ARHGEF10: variants seen among roughly 807,000 people sequenced by gnomAD.
ARHGEF10 encodes Rho guanine nucleotide exchange factor (GEF) 10.
Under a neutral mutation model 147.4 loss-of-function variants are expected in ARHGEF10, and 140 were observed. The ratio of observed to expected loss-of-function variants is 0.95; its 90% CI spans 0.83 to 1.09. The LOEUF is 1.09. Ranked by LOEUF, ARHGEF10 falls within the 50% of genes least tolerant of loss-of-function variation. ARHGEF10 has a pLI of 0.00. For missense variants in ARHGEF10, 2,222 were observed against 1,752.7 expected (o/e 1.27, Z -4.78); for synonymous variants, 902 against 695.8 (o/e 1.30, Z -4.67).
At chr8:1,952,640 C>A in intron 27 of ARHGEF10, 65 bp from the exon 28 acceptor site, 1 of 1,602,374 alleles carries the variant, frequency 6.2e-7, no homozygotes, top group East Asian at 2.2e-5. Context: ...TCCAGCACCC[C>A]GTCACCGCCC....
chr8:1,888,034 G>T (rs576957306), intron 11 of ARHGEF10, among the ~76,000 whole-genome samples: 100 of 147,716 alleles, frequency 6.8e-4, no homozygotes, highest in African/African-American at 2.5e-3. Flanking sequence ...CACTGAGTAG[G>T]GTGAGGGTTG....
chr8:1,833,725 C>T (rs1332949923), intron 1 of ARHGEF10, among the ~76,000 whole-genome samples: 1 of 152,206 alleles, frequency 6.6e-6, no homozygotes, highest in Non-Finnish European at 1.5e-5. Context: ...GAACCCTTTC[C>T]AGCAAGCATC....
rs938624115 is a variant in ARHGEF10 at position 1,923,174 on chromosome 8, A to G, written c.2259+95A>G. ...TCTCCAAGTTCTACCAGAAGTGAGA[A>G]TTCATTTTGACTTTAAAAATTAATC... On this transcript the variant is annotated intron_variant, in intron 19 of 28. Coordinates refer to ENST00000349830, the MANE Select transcript of ARHGEF10 (RefSeq NM_014629.4). 36 of 1,028,714 alleles carry G rather than the reference A, an allele frequency of 3.5e-5. No homozygotes were observed. In the African/African-American group the frequency reaches 5.8e-4, roughly 17 times the overall value. The allele number at this position is 1,028,714 out of a possible 1,614,324, so 63.7% of individuals were successfully genotyped here.
chr8:1,844,728 C>T (rs956440977), intron 2 of ARHGEF10, among the ~76,000 whole-genome samples: 12 of 152,066 alleles, frequency 7.9e-5, no homozygotes, highest in African/African-American at 2.9e-4. Flanking sequence ...AGTTCACTTA[C>T]GTGTGGATTG....
rs1220504439 is a variant in ARHGEF10 at position 1,905,643 on chromosome 8, G to C, written c.1894G>C (p.Glu632Gln). ...AGAAACAGTTTACAACGACAGAGGA[G>C]AGATTGTTAAAACCAAAGAACGCCG... Reference protein sequence around the residue: ...MIETVYNDRGEIVKTKERRVF... With the variant: ...MIETVYNDRGQIVKTKERRVF... Residue 632 changes from glutamate (E) to glutamine (Q), a missense_variant, in exon 17 of 29, where the codon GAG becomes CAG. Physicochemically the swap from Glu to Gln is conservative, Grantham distance 29 (BLOSUM62 2). Transcript: ENST00000349830. The C allele has an allele frequency of 6.2e-7, 1 of 1,614,218 alleles. No individual in the cohort carries two copies. Among genetic ancestry groups the C allele is most frequent in the South Asian group, 1.1e-5 (1 of 91,076 alleles).
intron 17 of ARHGEF10, among the ~76,000 whole-genome samples, chr8:1,908,515 A>G (rs1328888935): frequency 6.6e-6 from 1 of 152,118 alleles, no homozygotes; most frequent in Non-Finnish European, 1.5e-5. Flanking sequence ...TACAGGCGTG[A>G]GCCACCGCGC....
At chr8:1,898,216 A>G (rs1158723478) in intron 14 of ARHGEF10, among the ~76,000 whole-genome samples, 1 of 152,324 alleles carries the variant, frequency 6.6e-6, no homozygotes, top group South Asian at 2.1e-4. Flanking sequence ...GCTGAGGCCA[A>G]CGTGTGAGGT....
At chr8:1,881,563 G>A (rs545749826) in intron 9 of ARHGEF10, among the ~76,000 whole-genome samples, 7 of 147,600 alleles carry the variant, frequency 4.7e-5, no homozygotes, top group African/African-American at 1.8e-4. Context: ...GAGCAGGGGA[G>A]CCCCCGGGGG....
chr8:1,860,762 T>C (rs971684056), intron 4 of ARHGEF10, among the ~76,000 whole-genome samples: 1 of 152,184 alleles, frequency 6.6e-6, no homozygotes, highest in Admixed American at 6.5e-5. Context: ...TTGGCCTGTA[T>C]GACTTACTGT....
chr8:1,863,690 C>T (rs1806341284), intron 4 of ARHGEF10, among the ~76,000 whole-genome samples: 1 of 152,100 alleles, frequency 6.6e-6, no homozygotes, highest in African/African-American at 2.4e-5. Flanking sequence ...TCTGCACTGG[C>T]GTCTCAGGCT....
At chr8:1,859,168 G>C (rs1360755500) in intron 3 of ARHGEF10, among the ~76,000 whole-genome samples, 1 of 151,018 alleles carries the variant, frequency 6.6e-6, no homozygotes, top group Non-Finnish European at 1.5e-5. Context: ...GTTTCTTTGT[G>C]CACAGCACCA....
At chr8:1,912,507 C>A (rs1057101741) in intron 18 of ARHGEF10, among the ~76,000 whole-genome samples, 1 of 151,722 alleles carries the variant, frequency 6.6e-6, no homozygotes, top group African/African-American at 2.4e-5. Context: ...GCTCCCCATC[C>A]CTGCAAAAGC....
At chr8:1,902,773 A>G (rs1810573355) in intron 15 of ARHGEF10, among the ~76,000 whole-genome samples, 2 of 152,330 alleles carry the variant, frequency 1.3e-5, no homozygotes, top group South Asian at 4.1e-4. Context: ...AGTGTCATGC[A>G]TCTTTGCCGC....
At chr8:1,881,392 T>C (rs1808182103) in intron 9 of ARHGEF10, among the ~76,000 whole-genome samples, 1 of 152,038 alleles carries the variant, frequency 6.6e-6, no homozygotes, top group African/African-American at 2.4e-5. Context: ...ACAGCCCAAA[T>C]CTGGGGTTGA....
intron 26 of ARHGEF10, among the ~76,000 whole-genome samples, chr8:1,942,952 A>T (rs1020005650): frequency 2.0e-5 from 3 of 152,198 alleles, no homozygotes; most frequent in Non-Finnish European, 4.4e-5. Flanking sequence ...TAAGGGTGAT[A>T]AAATGTTCTG....
In ARHGEF10 at chr8:1,896,318, C is replaced by A; in HGVS notation, c.1441-15C>A. 6.4e-7 allele frequency: 1 copy of A among 1,567,428 alleles called. No individual in the cohort carries two copies. The highest frequency in any genetic ancestry group is 8.8e-7 in the Non-Finnish European group (1 of 1,137,546). On this transcript the variant is annotated splice_polypyrimidine_tract_variant and intron_variant, in intron 13 of 28. Transcript: ENST00000349830. ...GACTCTGTGATTTCTCTCTGAATTT[C>A]CTCCTGTGTTTCAGTTTTCTAAGTC...
chr8:1,865,395 G>T (rs1023535264), intron 5 of ARHGEF10, among the ~76,000 whole-genome samples: 1 of 145,446 alleles, frequency 6.9e-6, no homozygotes, highest in African/African-American at 2.6e-5. Flanking sequence ...CCAGCACCCA[G>T]GGGGTGGTCA....
intron 7 of ARHGEF10, among the ~76,000 whole-genome samples, chr8:1,872,507 C>T (rs532082303): frequency 4.7e-4 from 72 of 152,298 alleles, no homozygotes; most frequent in African/African-American, 1.6e-3. Flanking sequence ...CCAGCATGAC[C>T]CTAACAAGTA....
intron 1 of ARHGEF10, among the ~76,000 whole-genome samples, chr8:1,838,851 G>C (rs1343597537): frequency 6.6e-6 from 1 of 152,212 alleles, no homozygotes. Context: ...CATGGAAGCT[G>C]TCTGGTGTGG....
Sources: allele counts gnomAD v4.1 joint callset (sites outside exome capture counted in the v4.1 genomes callset), GRCh38; gene constraint gnomAD v4.1.1; transcripts MANE v1.5; gene names NCBI Gene and HGNC (gene_info 2026-07-23, HGNC 2026-07-21).